Variants in XRN1 observed in about 807,000 individuals in gnomAD.
XRN1 encodes the protein 5'-3' exoribonuclease 1.
In XRN1, 67 loss-of-function variants were observed where a neutral mutation model predicts 222.3. The observed-to-expected ratio is 0.30, with a 90% CI of 0.25 to 0.37. The LOEUF (loss-of-function observed/expected upper bound fraction) is 0.37. Ranked by LOEUF, XRN1 falls within the 10% of genes least tolerant of loss-of-function variation. The pLI is 1.00. For missense variants in XRN1, 1,707 were observed against 2,000.2 expected (o/e 0.85, Z 2.80); for synonymous variants, 643 against 652.4 (o/e 0.99, Z 0.22).
chr3:142,396,681 G>A (rs1458666938), intron 20 of XRN1, among the ~76,000 whole-genome samples: 2 of 152,168 alleles, frequency 1.3e-5, no homozygotes, highest in African/African-American at 2.4e-5. Flanking sequence ...TGAATTCTCC[G>A]AAAGCTTATC....
chr3:142,320,765 T>G (rs1344570068), intron 37 of XRN1, among the ~76,000 whole-genome samples: 1 of 152,172 alleles, frequency 6.6e-6, no homozygotes, highest in Admixed American at 6.6e-5. Context: ...AGGAAGTATT[T>G]TCTCTTATTC....
At chr3:142,371,369 G>T (rs1340802738) in intron 25 of XRN1, 41 bp from the exon 26 acceptor site, 3 of 1,430,972 alleles carry the variant, frequency 2.1e-6, no homozygotes, top group Non-Finnish European at 1.9e-6. Flanking sequence ...AATATATATG[G>T]TTAATTTCGG....
chr3:142,424,995 G>GCAA (rs1249577160), intron 5 of XRN1, among the ~76,000 whole-genome samples: 1 of 152,062 alleles, frequency 6.6e-6, no homozygotes, highest in Non-Finnish European at 1.5e-5. Context: ...ACAGCACTAG[G>GCAA]ATTAGTCACA....
At chr3:142,434,138 T>C (rs2069756884) in intron 1 of XRN1, among the ~76,000 whole-genome samples, 1 of 151,986 alleles carries the variant, frequency 6.6e-6, no homozygotes, top group Admixed American at 6.6e-5. Flanking sequence ...AACAGGGGTA[T>C]TTTATTTATT....
chr3:142,425,408 TA>T lies in XRN1; in HGVS notation c.516+20del. On this transcript the variant is annotated intron_variant, in intron 4 of 40. Coordinates refer to ENST00000392981, the MANE Select transcript of XRN1 (RefSeq NM_001282857.2). ...TATTAAATACTTTTTTTAAACTCTT[TA>T]AATAAAAAAAGATAATAACCTCATG... 6.3e-7 allele frequency: 1 copy of T among 1,586,156 alleles called. No homozygotes were observed. The highest frequency in any genetic ancestry group is 8.6e-7 in the Non-Finnish European group (1 of 1,165,792).
chr3:142,436,798 T>C (rs2069933067), intron 1 of XRN1, among the ~76,000 whole-genome samples: 1 of 152,178 alleles, frequency 6.6e-6, no homozygotes, highest in South Asian at 2.1e-4. Context: ...ATCCTATTTA[T>C]AGGAAATATT....
chr3:142,392,374 T>C (rs1263386263), intron 20 of XRN1, among the ~76,000 whole-genome samples: 2 of 152,050 alleles, frequency 1.3e-5, no homozygotes, highest in East Asian at 1.9e-4. Flanking sequence ...CATGTGCACA[T>C]TGTGCAGGTT....
At chr3:142,426,105 G>C (rs1174298179) in intron 3 of XRN1, among the ~76,000 whole-genome samples, 2 of 152,222 alleles carry the variant, frequency 1.3e-5, no homozygotes, top group Non-Finnish European at 1.5e-5. Context: ...ACTGAGCAAT[G>C]TGTGACCAAT....
Position 142,360,153 on chromosome 3 carries a change from C to T in XRN1, c.3395-222G>A, listed in dbSNP as rs77395327. Reference sequence around the variant, plus strand: ...GGATCATTATTGTCCCAATTCCCAACTAGGTAACATTATCTTCAATTTGGC... The same window carrying T: ...GGATCATTATTGTCCCAATTCCCAATTAGGTAACATTATCTTCAATTTGGC... On this transcript the variant is annotated intron_variant, in intron 29 of 40. Transcript: ENST00000392981. 2.2e-4 allele frequency among the ~76,000 whole-genome samples: 33 copies of T among 152,256 alleles called. 2 individuals are homozygous for T. The East Asian group carries it at 4.8e-3, about 22-fold the overall frequency.
intron 1 of XRN1, among the ~76,000 whole-genome samples, chr3:142,445,659 C>T (rs903008845): frequency 2.0e-5 from 3 of 152,068 alleles, no homozygotes; most frequent in African/African-American, 7.2e-5. Context: ...CTCTATTGTC[C>T]CTTTCATAAA....
chr3:142,356,741 A>G (rs959857584), intron 31 of XRN1, among the ~76,000 whole-genome samples, 171 bp downstream of exon 31: 1 of 152,214 alleles, frequency 6.6e-6, no homozygotes, highest in African/African-American at 2.4e-5. Context: ...GTAGAATGCT[A>G]GCAATAGCAT....
intron 25 of XRN1, among the ~76,000 whole-genome samples, chr3:142,374,081 A>C (rs1384486306): frequency 1.3e-5 from 2 of 152,240 alleles, no homozygotes; most frequent in Non-Finnish European, 1.5e-5. Flanking sequence ...CAGGAGAAGA[A>C]TAAAGACATC....
intron 32 of XRN1, among the ~76,000 whole-genome samples, chr3:142,352,799 C>A (rs375196791): frequency 6.6e-6 from 1 of 152,158 alleles, no homozygotes; most frequent in East Asian, 1.9e-4. Context: ...GCCACCACAG[C>A]ACCTGATTGA....
chr3:142,360,285 G>A (rs2066579121), intron 29 of XRN1, among the ~76,000 whole-genome samples: 1 of 152,066 alleles, frequency 6.6e-6, no homozygotes, highest in Admixed American at 6.6e-5. Context: ...TGATATCATA[G>A]AGAATATATT....
intron 32 of XRN1, among the ~76,000 whole-genome samples, chr3:142,350,810 AG>A (rs915903669): frequency 1.3e-5 from 2 of 152,158 alleles, no homozygotes; most frequent in Non-Finnish European, 1.5e-5. Flanking sequence ...GAAAGGAGGG[AG>A]TGGCTATTAA....
At chr3:142,339,478 T>C (rs1388118368) in intron 33 of XRN1, among the ~76,000 whole-genome samples, 1 of 152,174 alleles carries the variant, frequency 6.6e-6, no homozygotes, top group African/African-American at 2.4e-5. Flanking sequence ...AGCCCAGACT[T>C]TGAAGACTAC....
rs2066174527 is a variant in XRN1 at position 142,347,360 on chromosome 3, T to C, written c.3769-18A>G. 5 of 1,479,764 alleles carry C rather than the reference T, an allele frequency of 3.4e-6. No homozygotes were observed. Among genetic ancestry groups the C allele is most frequent in the Non-Finnish European group, 4.6e-6 (5 of 1,097,686 alleles). 91.7% of individuals were successfully genotyped at this position (1,479,764 alleles called of 1,614,324 possible). A position where few individuals can be genotyped will look rare whatever the true frequency, so the allele number is the denominator to read the frequency against. On this transcript the variant is annotated intron_variant, in intron 32 of 40. Coordinates refer to ENST00000392981, the MANE Select transcript of XRN1 (RefSeq NM_001282857.2). Reference sequence around the variant, plus strand: ...ACTGCACCCTGAAAATTAAAATTCTTATAAATTAAACAAAATCTTAATATT... The same window carrying C: ...ACTGCACCCTGAAAATTAAAATTCTCATAAATTAAACAAAATCTTAATATT...
At chr3:142,419,023 CCCTT>C (rs2068900642) in intron 10 of XRN1, 142 bp from the exon 11 acceptor site, 1 of 739,322 alleles carries the variant, frequency 1.4e-6, no homozygotes, top group Admixed American at 2.3e-5. Flanking sequence ...TGTTTTTCCT[CCCTT>C]GTGATCTCAA....
intron 40 of XRN1, 116 bp from the exon 41 acceptor site, chr3:142,311,929 C>T (rs2065087537): frequency 2.9e-6 from 3 of 1,026,474 alleles, no homozygotes; most frequent in African/African-American, 1.6e-5. Flanking sequence ...TGATCTGTGA[C>T]TTCCACTTAT....
Sources: gnomAD v4.1 joint callset for allele counts (sites outside exome capture counted in the v4.1 genomes callset) on GRCh38, gnomAD v4.1.1 for gene constraint, MANE v1.5 for transcripts, NCBI Gene and HGNC (gene_info 2026-07-23, HGNC 2026-07-21) for gene names.